Variants in ARL10 observed in about 807,000 individuals in gnomAD.
ARL10 encodes ADP-ribosylation factor-like protein 10.
A neutral mutation model predicts 26.1 loss-of-function variants in ARL10; 23 were observed. The observed-to-expected ratio is 0.88, with a 90% CI of 0.63 to 1.25. The LOEUF (loss-of-function observed/expected upper bound fraction) is 1.25, where lower values mean the gene tolerates loss of function less well. ARL10 is among the 50% of genes most tolerant of loss of function. ARL10 has a pLI of 0.00. For missense variants in ARL10, 300 were observed against 323.6 expected (o/e 0.93, Z 0.56); for synonymous variants, 138 against 149.1 (o/e 0.93, Z 0.54).
At chr5:176,401,766 G>T (rs2113649479) in exon 2 of ARL10, 1 of 456,208 alleles carries the variant, frequency 2.2e-6, no homozygotes, top group East Asian at 6.9e-5. Flanking sequence ...CAGCGACACT[G>T]AACAATTTCC....
rs577763727 is a variant in ARL10, at chr5:176,368,601, C to T, written c.386-206C>T. On this transcript the variant is annotated intron_variant, in intron 2 of 3. Coordinates refer to ENST00000310389, the MANE Select transcript of ARL10 (RefSeq NM_173664.6). The surrounding 1 kb of genome is among the most constrained non-coding windows in gnomAD (Gnocchi z 4.1). ...GAGCTAAATCCAGTCTGAGTAGCTG[C>T]GGAAACTGCGGTCTTTTCCTTGCCC... 3.9e-5 allele frequency among the ~76,000 whole-genome samples: 6 copies of T among 151,980 alleles called. No individual in the cohort carries two copies. Among genetic ancestry groups the T allele is most frequent in the East Asian group, 3.9e-4 (2 of 5,156 alleles).
At chr5:176,414,159 C>T in the ARL10 span, among the ~76,000 whole-genome samples, 1 of 152,192 alleles carries the variant, frequency 6.6e-6, no homozygotes, top group South Asian at 2.1e-4. Context: ...CACAAGGCCT[C>T]CCTCCTCTTC....
downstream of ARL10, among the ~76,000 whole-genome samples, chr5:176,391,351 T>C (rs1756257312): frequency 6.6e-6 from 1 of 152,182 alleles, no homozygotes; most frequent in African/African-American, 2.4e-5. Flanking sequence ...CTATGGTTCA[T>C]CCCTGTAATC....
intron 3 of ARL10, chr5:176,369,396 C>A: frequency 2.5e-6 from 1 of 407,148 alleles, no homozygotes; most frequent in South Asian, 2.1e-5. Context: ...CCACACCCAG[C>A]CAATTTTTGT....
At chr5:176,397,521 C>T (rs1204443357) in intron 1 of ARL10, 1 of 246,196 alleles carries the variant, frequency 4.1e-6, no homozygotes, top group Non-Finnish European at 7.4e-6. Context: ...GTCCCCATGG[C>T]CCCCTCATGT....
At position 176,394,160 on chromosome 5, in the gene ARL10, G is replaced by A. The variant is rs539639101; in HGVS notation, c.134-7581G>A. Among the ~76,000 whole-genome samples the A allele has an allele frequency of 2.0e-5, 3 of 152,336 alleles. No homozygotes were observed. The South Asian group carries it at 6.2e-4, about 32-fold the overall frequency. On this transcript the variant is annotated intron_variant, in intron 1 of 1. Coordinates refer to the ARL10 transcript ENST00000514533. Reference sequence around the variant, plus strand: ...TCTGGAAAAAAGGAAAGTGCTGCGTGGAGCTGGGTGGCAAGTGGGGATGAG... The same window carrying A: ...TCTGGAAAAAAGGAAAGTGCTGCGTAGAGCTGGGTGGCAAGTGGGGATGAG...
Position 176,366,524 on chromosome 5 carries a change from T to TGGGG in ARL10, c.329_332dup (p.Phe112GlyfsTer13). 6.2e-7 allele frequency: 1 copy of TGGGG among 1,614,118 alleles called. No individual in the cohort carries two copies. Among genetic ancestry groups the TGGGG allele is most frequent in the Non-Finnish European group, 8.5e-7 (1 of 1,180,010 alleles). ...ACCGCTGGAAGGCCACATCCCCACC[T>TGGGG]GGGGCTTCAACTCCGTGCGTCTGCC... On this transcript the variant is annotated frameshift_variant, in exon 2 of 4. Transcript: ENST00000310389. LOFTEE classifies it high-confidence loss of function.
Position 176,377,025 on chromosome 5 carries a change from T to C in ARL10, c.*5130T>C, listed in dbSNP as rs1230964169. ...TAATGCATTACAGCTTTGTAGTATT[T>C]AGTGGCATCAGCATTTAGGAGAGTA... On this transcript the variant is annotated 3_prime_UTR_variant, in exon 4 of 4. Transcript: ENST00000310389. The surrounding 1 kb of genome is among the most constrained non-coding windows in gnomAD (Gnocchi z 4.5). 1 of 152,208 alleles carries C rather than the reference T, an allele frequency of 6.6e-6. No homozygotes were observed. Among genetic ancestry groups the C allele is most frequent in the Non-Finnish European group, 1.5e-5 (1 of 68,034 alleles). 9.4% of individuals were successfully genotyped at this position (152,208 alleles called of 1,614,324 possible).
chr5:176,384,389 G>C, downstream of ARL10: 2 of 1,605,510 alleles, frequency 1.2e-6, no homozygotes, highest in Non-Finnish European at 1.7e-6. Flanking sequence ...GAGGAGAAGG[G>C]CTACTTTAAG....
the ARL10 span, among the ~76,000 whole-genome samples, chr5:176,409,334 TC>T: frequency 6.6e-6 from 1 of 151,174 alleles, no homozygotes; most frequent in Non-Finnish European, 1.5e-5. Context: ...TGTATATTAT[TC>T]TGCAAGCTGC....
At chr5:176,399,033 G>A (rs1238624959) in intron 1 of ARL10, among the ~76,000 whole-genome samples, 3 of 151,948 alleles carry the variant, frequency 2.0e-5, no homozygotes, top group South Asian at 2.1e-4. Flanking sequence ...TAGTAGAGAC[G>A]GGGTTTCTCC....
At chr5:176,404,695 T>G (rs1261123590), downstream of ARL10, among the ~76,000 whole-genome samples, 3 of 152,182 alleles carry the variant, frequency 2.0e-5, no homozygotes, top group African/African-American at 7.2e-5. Flanking sequence ...ACTGATGCAC[T>G]CTAGTGGGGG....
At chr5:176,408,531 CA>C in the ARL10 span, among the ~76,000 whole-genome samples, 7 of 148,204 alleles carry the variant, frequency 4.7e-5, no homozygotes, top group African/African-American at 1.7e-4. Context: ...AGCAAAACTC[CA>C]TCTCAGGAAA....
chr5:176,388,537 C>A (rs1169218662), exon 2 of ARL10: 14 of 1,609,604 alleles, frequency 8.7e-6, no homozygotes, highest in Non-Finnish European at 1.2e-5. Flanking sequence ...TGGCCTTGGG[C>A]ATCGCGCTGA....
At position 176,371,868 on chromosome 5, in the gene ARL10, G is replaced by A; in HGVS notation, c.708G>A (p.Trp236Ter). ...AAGAGCCTGGCACCGTGCACATCTGGAAACTGCTCTTGGAGCTCCTCTCCT... is the reference window on the plus strand; with the variant it reads ...AAGAGCCTGGCACCGTGCACATCTGAAAACTGCTCTTGGAGCTCCTCTCCT... ...TFEEPGTVHI[W>*]KLLLELLS is the part of the protein sequence containing the mutation. The change falls in exon 4 of 4, where the codon TGG (tryptophan) becomes TGA (stop). Residue 236 changes from tryptophan (W) to a stop codon, truncating the protein, a stop_gained. Transcript: ENST00000310389. LOFTEE classifies it high-confidence loss of function. The A allele has an allele frequency of 6.2e-7, 1 of 1,614,188 alleles. No individual in the cohort carries two copies. The highest frequency in any genetic ancestry group is 8.5e-7 in the Non-Finnish European group (1 of 1,180,020).
chr5:176,383,448 A>G (rs571445062), downstream of ARL10, among the ~76,000 whole-genome samples: 14 of 152,380 alleles, frequency 9.2e-5, no homozygotes, highest in African/African-American at 3.4e-4. Context: ...AAGGATGGCC[A>G]TGCCATGTGT....
chr5:176,368,026 AGGG>A lies in ARL10; in HGVS notation c.386-780_386-778del. The A allele has an allele frequency of 1.9e-6, 1 of 519,770 alleles. No homozygotes were observed. 32.2% of individuals were successfully genotyped at this position (519,770 alleles called of 1,614,324 possible). On this transcript the variant is annotated intron_variant, in intron 2 of 3. Coordinates refer to ENST00000310389, the MANE Select transcript of ARL10 (RefSeq NM_173664.6). The surrounding 1 kb of genome is among the most constrained non-coding windows in gnomAD (Gnocchi z 4.1). ...CTGCTATGTGCCAGGCATTGTGCTG[AGGG>A]CTTTGTGGGGATTCAGAGGTAAGTG...
chr5:176,391,489 G>A (rs1420627656), downstream of ARL10, among the ~76,000 whole-genome samples: 1 of 152,220 alleles, frequency 6.6e-6, no homozygotes, highest in African/African-American at 2.4e-5. Context: ...GCACGTGCCT[G>A]TAGTCCCAGC....
downstream of ARL10, chr5:176,406,367 C>T (rs1757120887): frequency 1.8e-6 from 2 of 1,128,608 alleles, no homozygotes; most frequent in African/African-American, 3.3e-5. Flanking sequence ...GGCCCCTCTG[C>T]TGGGCCCACC....
Sources: allele counts gnomAD v4.1 joint callset (sites outside exome capture counted in the v4.1 genomes callset), GRCh38; gene constraint gnomAD v4.1.1; non-coding constraint Gnocchi (gnomAD v3.1); transcripts MANE v1.5; gene names NCBI Gene and HGNC (gene_info 2026-07-23, HGNC 2026-07-21).